The following GPC6 variants were observed in gnomAD, a reference collection of about 807,000 sequenced individuals.
The protein encoded by GPC6 is glypican-6.
Under a neutral mutation model 55.2 loss-of-function variants are expected in GPC6, and 14 were observed. The ratio of observed to expected loss-of-function variants is 0.25; its 90% CI spans 0.17 to 0.40. The LOEUF is 0.40. Ranked by LOEUF, GPC6 falls within the 10% of genes least tolerant of loss-of-function variation. The probability of loss-of-function intolerance (pLI) is 1.00; values close to 1 mark genes in which losing one functional copy is unlikely to be tolerated. For missense variants in GPC6, 641 were observed against 708.5 expected, an observed-to-expected ratio of 0.90 and a Z score of 1.08; for synonymous variants, 278 against 259.6, an observed-to-expected ratio of 1.07 and a Z score of -0.68.
At chr13:93,983,663 AGTT>A (rs1880901899) in intron 3 of GPC6, among the ~76,000 whole-genome samples, 1 of 152,124 alleles carries the variant, frequency 6.6e-6, no homozygotes, top group Non-Finnish European at 1.5e-5. Context: ...AACGATATAC[AGTT>A]GTTAAACAAG....
At chr13:94,327,084 G>A (rs1877160346) in intron 6 of GPC6, among the ~76,000 whole-genome samples, 1 of 152,032 alleles carries the variant, frequency 6.6e-6, no homozygotes. Flanking sequence ...GATACTTTTG[G>A]GACTCCCATA....
At chr13:93,526,937 T>C (rs150810064) in intron 1 of GPC6, among the ~76,000 whole-genome samples, 2,220 of 152,176 alleles carry the variant, frequency 0.015, 45 homozygotes, top group African/African-American at 0.049. Flanking sequence ...TTGTTGGCAG[T>C]CTAAGAACTT....
intron 3 of GPC6, among the ~76,000 whole-genome samples, chr13:93,871,948 T>C (rs1889145216): frequency 6.6e-6 from 1 of 151,944 alleles, no homozygotes; most frequent in Admixed American, 6.6e-5. Flanking sequence ...TTTTGATTAA[T>C]GTAGTTTCTA....
chr13:94,075,928 C>G (rs1283041911), intron 4 of GPC6, among the ~76,000 whole-genome samples: 1 of 152,032 alleles, frequency 6.6e-6, no homozygotes, highest in African/African-American at 2.4e-5. Flanking sequence ...CATGAGAATG[C>G]AGATACCTCT....
At chr13:93,510,985 G>GTA (rs1880942460) in intron 1 of GPC6, among the ~76,000 whole-genome samples, 2 of 36,820 alleles carry the variant, frequency 5.4e-5, no homozygotes, top group East Asian at 1.3e-3. Context: ...ATATATATAT[G>GTA]TGTATATATA....
intron 1 of GPC6, among the ~76,000 whole-genome samples, chr13:93,355,967 C>T (rs1423976064): frequency 6.6e-6 from 1 of 152,056 alleles, no homozygotes; most frequent in Non-Finnish European, 1.5e-5. Context: ...ATATTGGACA[C>T]AGGGAACTCA....
chr13:93,718,327 A>T (rs1332338730), intron 2 of GPC6, among the ~76,000 whole-genome samples: 2 of 151,996 alleles, frequency 1.3e-5, no homozygotes, highest in Non-Finnish European at 2.9e-5. Context: ...ATGATATCTC[A>T]CTGTGGTTTT....
intron 1 of GPC6, among the ~76,000 whole-genome samples, chr13:93,277,648 G>A (rs541919396): frequency 7.2e-5 from 11 of 152,200 alleles, no homozygotes; most frequent in African/African-American, 2.2e-4. Flanking sequence ...AAAGACAGTG[G>A]TTAAACTGTT....
intron 1 of GPC6, among the ~76,000 whole-genome samples, chr13:93,351,156 C>G (rs1880615895): frequency 1.3e-5 from 2 of 152,064 alleles, no homozygotes; most frequent in African/African-American, 4.8e-5. Context: ...AATTTGAATA[C>G]AAGTATGTTA....
At chr13:93,643,794 T>G (rs1880059884) in intron 2 of GPC6, among the ~76,000 whole-genome samples, 1 of 152,240 alleles carries the variant, frequency 6.6e-6, no homozygotes, top group Non-Finnish European at 1.5e-5. Context: ...GTGGCATATT[T>G]TAGGGTGACG....
Position 93,227,313 on chromosome 13 carries a change from C to T in GPC6, c.-144C>T. The T allele has an allele frequency of 1.3e-6, 1 of 754,808 alleles. No homozygotes were observed. Among genetic ancestry groups the T allele is most frequent in the East Asian group, 2.5e-5 (1 of 40,002 alleles). The allele number at this position is 754,808 out of a possible 1,614,324, so 46.8% of individuals were successfully genotyped here. A position where few individuals can be genotyped will look rare whatever the true frequency, so the allele number is the denominator to read the frequency against. ...GAGCGCAGTCCAGAGGGCTGCGCTG[C>T]TCGTCCCCTCGGCTGGCAGAAGGGG... On this transcript the variant is annotated 5_prime_UTR_variant, in exon 1 of 9. Coordinates refer to ENST00000377047, the MANE Select transcript of GPC6 (RefSeq NM_005708.5). This position sits in a 1 kb window ranked among gnomAD's most constrained non-coding sequence, Gnocchi z 4.3.
chr13:93,292,547 A>G (rs1237721813), intron 1 of GPC6, among the ~76,000 whole-genome samples: 1 of 152,224 alleles, frequency 6.6e-6, no homozygotes, highest in African/African-American at 2.4e-5. Flanking sequence ...ATGACTTGGC[A>G]GATATTACAT....
At chr13:94,101,388 C>CTT (rs562686477) in intron 4 of GPC6, among the ~76,000 whole-genome samples, 8 of 152,200 alleles carry the variant, frequency 5.3e-5, no homozygotes, top group South Asian at 2.1e-4. Context: ...ACCACTTGAA[C>CTT]TTATGTCCAT....
intron 4 of GPC6, among the ~76,000 whole-genome samples, chr13:94,153,848 A>G (rs1188567927): frequency 1.3e-5 from 2 of 152,240 alleles, no homozygotes; most frequent in African/African-American, 4.8e-5. Flanking sequence ...CTTATGTGCA[A>G]TAAATCTGAG....
At chr13:93,467,275 A>G (rs1259422936) in intron 1 of GPC6, among the ~76,000 whole-genome samples, 2 of 152,194 alleles carry the variant, frequency 1.3e-5, no homozygotes, top group East Asian at 1.9e-4. Flanking sequence ...GGTAATTTGC[A>G]TATATACTGG....
chr13:94,336,095 C>T (rs1295112323), intron 6 of GPC6, among the ~76,000 whole-genome samples: 1 of 152,084 alleles, frequency 6.6e-6, no homozygotes, highest in East Asian at 1.9e-4. Context: ...GGTAGATGCT[C>T]GGAAAATGTT....
At chr13:93,570,016 A>T (rs980859339) in intron 2 of GPC6, among the ~76,000 whole-genome samples, 11 of 152,124 alleles carry the variant, frequency 7.2e-5, no homozygotes, top group African/African-American at 2.7e-4. Flanking sequence ...ATTTTTGTAA[A>T]TATACCACAT....
chr13:93,435,990 G>A (rs551889241), intron 1 of GPC6, among the ~76,000 whole-genome samples: 30 of 152,218 alleles, frequency 2.0e-4, no homozygotes, highest in South Asian at 8.3e-4. Context: ...AAGTCACCTC[G>A]CTGATCATAG....
At chr13:93,814,853 G>A (rs1310672550) in intron 2 of GPC6, among the ~76,000 whole-genome samples, 3 of 152,192 alleles carry the variant, frequency 2.0e-5, no homozygotes, top group Non-Finnish European at 2.9e-5. Flanking sequence ...GCAGCAGTTG[G>A]CGCTGGAAGA....
Sources: gnomAD v4.1 joint callset for allele counts (sites outside exome capture counted in the v4.1 genomes callset) on GRCh38, gnomAD v4.1.1 for gene constraint, Gnocchi (gnomAD v3.1) non-coding constraint, MANE v1.5 for transcripts, NCBI Gene and HGNC (gene_info 2026-07-23, HGNC 2026-07-21) for gene names.